FREM2: variants seen among roughly 807,000 people sequenced by gnomAD.
The protein encoded by FREM2 is FRAS1 related extracellular matrix 2.
In FREM2, 119 loss-of-function variants were observed where a neutral mutation model predicts 219.9. That is an observed-to-expected ratio of 0.54 (90% CI 0.47 to 0.63). The LOEUF (loss-of-function observed/expected upper bound fraction) is 0.63, where lower values mean the gene tolerates loss of function less well. FREM2 is among the 30% of genes least tolerant of loss of function. The pLI is 0.00. For missense variants in FREM2, 4,030 were observed against 3,993.6 expected, an observed-to-expected ratio of 1.01 and a Z score of -0.25; for synonymous variants, 1,562 against 1,522.8, an observed-to-expected ratio of 1.03 and a Z score of -0.60.
At chr13:38,699,921 G>T (rs1870275180) in intron 2 of FREM2, among the ~76,000 whole-genome samples, 1 of 151,960 alleles carries the variant, frequency 6.6e-6, no homozygotes. Context: ...AATGATAGTA[G>T]GCATATCTAT....
Position 38,687,870 on chromosome 13 carries a change from T to C in FREM2, c.526T>C (p.Phe176Leu). The C allele has an allele frequency of 1.3e-6, 2 of 1,570,542 alleles. No homozygotes were observed. Among genetic ancestry groups the C allele is most frequent in the Non-Finnish European group, 1.7e-6 (2 of 1,154,136 alleles). The change falls in exon 1 of 24, where the codon TTC becomes CTC. Residue 176 changes from phenylalanine to leucine, a missense_variant. Physicochemically the swap from Phe to Leu is conservative, Grantham distance 22. Coordinates refer to ENST00000280481, the MANE Select transcript of FREM2 (RefSeq NM_207361.6). The stretch of plus-strand genomic sequence containing the variant: ...ACTGGTACTGGAGGTGGAGGTGGTC[T>C]TCACCCAGCTGGAGGTTGTGACTCG... ...LPLVLEVEVV[F>L]TQLEVVTRNL...
At chr13:38,745,967 A>G (rs141351048) in intron 2 of FREM2, among the ~76,000 whole-genome samples, 10 of 152,174 alleles carry the variant, frequency 6.6e-5, no homozygotes, top group Non-Finnish European at 1.3e-4. Context: ...TTTCTAGTTC[A>G]TGTAATTTCT....
At chr13:38,768,327 T>C (rs1873522536) in intron 3 of FREM2, among the ~76,000 whole-genome samples, 1 of 152,334 alleles carries the variant, frequency 6.6e-6, no homozygotes. Context: ...TCACCCAGGC[T>C]GGAGCACAGT....
intron 22 of FREM2, 54 bp from the exon 23 acceptor site, chr13:38,878,777 G>A: frequency 1.3e-6 from 2 of 1,554,736 alleles, no homozygotes; most frequent in Non-Finnish European, 1.8e-6. Flanking sequence ...ATGCTGTCCT[G>A]GCAAAAGCCG....
At chr13:38,854,787 A>C (rs929955906) in intron 11 of FREM2, among the ~76,000 whole-genome samples, 2 of 152,140 alleles carry the variant, frequency 1.3e-5, no homozygotes, top group African/African-American at 4.8e-5. Flanking sequence ...AGAGAAGAAA[A>C]TTGCTCCTCG....
chr13:38,879,121 C>A, intron 23 of FREM2, 144 bp downstream of exon 23: 1 of 843,418 alleles, frequency 1.2e-6, no homozygotes, highest in Non-Finnish European at 2.0e-6. Flanking sequence ...TAAGATATGG[C>A]AAATAAACTA....
intron 2 of FREM2, among the ~76,000 whole-genome samples, chr13:38,747,693 C>T (rs796230808): frequency 6.6e-6 from 1 of 152,066 alleles, no homozygotes; most frequent in South Asian, 2.1e-4. Context: ...AATTGTCTAT[C>T]AGCTTCCTTC....
At chr13:38,851,598 C>A (rs1289496735) in intron 10 of FREM2, 88 bp from the exon 11 acceptor site, 8 of 1,024,798 alleles carry the variant, frequency 7.8e-6, no homozygotes, top group Non-Finnish European at 1.2e-5. Flanking sequence ...TCATTTATCC[C>A]CTCCCACATG....
Position 38,691,107 on chromosome 13 carries a change from G to T in FREM2, c.3763G>T (p.Asp1255Tyr), listed in dbSNP as rs1869825127. Residue 1255 changes from aspartate (D) to tyrosine (Y), a missense_variant, in exon 1 of 24, where the codon GAT becomes TAT. Around this residue, in one of 2 missense-constraint regions of FREM2, gnomAD observed 3,102 missense variants for 2,950.7 expected, o/e 1.05. Coordinates refer to ENST00000280481, the MANE Select transcript of FREM2 (RefSeq NM_207361.6). Reference sequence around the variant, plus strand: ...GGTTTTGGTCGAAAGCTTCACCTTGGATCAGATCATAGAGAGTTCCAGCAT... The same window carrying T: ...GGTTTTGGTCGAAAGCTTCACCTTGTATCAGATCATAGAGAGTTCCAGCAT... ...GTVLVESFTLDQIIESSSIIY... is the reference protein window; with the variant it reads ...GTVLVESFTLYQIIESSSIIY... 1 of 1,613,936 alleles carries T rather than the reference G, an allele frequency of 6.2e-7. No homozygotes were observed. The highest frequency in any genetic ancestry group is 1.3e-5 in the African/African-American group (1 of 74,884).
At chr13:38,813,618 G>T (rs1875634599) in intron 6 of FREM2, among the ~76,000 whole-genome samples, 1 of 122,074 alleles carries the variant, frequency 8.2e-6, no homozygotes, top group African/African-American at 2.9e-5. Context: ...GCTGCTTTTA[G>T]GATCTTTTCT....
intron 2 of FREM2, among the ~76,000 whole-genome samples, chr13:38,743,642 G>A (rs1872340107): frequency 6.6e-6 from 1 of 152,186 alleles, no homozygotes; most frequent in African/African-American, 2.4e-5. Context: ...CTTGATTACA[G>A]AGCAGTGTAA....
At chr13:38,844,530 T>C (rs1342282008) in intron 6 of FREM2, among the ~76,000 whole-genome samples, 1 of 152,230 alleles carries the variant, frequency 6.6e-6, no homozygotes, top group Non-Finnish European at 1.5e-5. Flanking sequence ...CAACACACCA[T>C]TTGGTCCCCG....
At chr13:38,823,432 C>G (rs1055855527) in intron 6 of FREM2, among the ~76,000 whole-genome samples, 2 of 151,934 alleles carry the variant, frequency 1.3e-5, no homozygotes, top group African/African-American at 4.8e-5. Flanking sequence ...GGACAAGGCT[C>G]CCACCACAAG....
intron 2 of FREM2, among the ~76,000 whole-genome samples, chr13:38,718,317 T>C (rs1871090938): frequency 6.6e-6 from 1 of 152,248 alleles, no homozygotes. Context: ...TTATTAATTA[T>C]GACAGCCCTA....
chr13:38,695,745 C>T (rs1396803560), intron 1 of FREM2, among the ~76,000 whole-genome samples: 1 of 152,064 alleles, frequency 6.6e-6, no homozygotes, highest in Non-Finnish European at 1.5e-5. Flanking sequence ...AGTAAACAGG[C>T]AAAGAGTTGT....
intron 6 of FREM2, among the ~76,000 whole-genome samples, chr13:38,803,095 A>G (rs1267231252): frequency 6.6e-6 from 1 of 152,190 alleles, no homozygotes; most frequent in Non-Finnish European, 1.5e-5. Context: ...GGCATGTACT[A>G]GCTGCATCTA....
chr13:38,872,987 T>C, intron 17 of FREM2, 53 bp downstream of exon 17: 1 of 1,533,884 alleles, frequency 6.5e-7, no homozygotes, highest in South Asian at 1.1e-5. Context: ...ATTTAAACTA[T>C]TTAAGACGAT....
At chr13:38,775,838 C>G (rs541641341) in intron 4 of FREM2, among the ~76,000 whole-genome samples, 1 of 152,124 alleles carries the variant, frequency 6.6e-6, no homozygotes, top group Non-Finnish European at 1.5e-5. Flanking sequence ...AGGCTGGTCT[C>G]GAACTCCTGA....
chr13:38,804,934 TTTC>T (rs1875165332), intron 6 of FREM2, among the ~76,000 whole-genome samples: 1 of 152,166 alleles, frequency 6.6e-6, no homozygotes, highest in South Asian at 2.1e-4. Flanking sequence ...TCAAACAACC[TTTC>T]TTCTTAACCA....
Sources: gnomAD v4.1 joint callset for allele counts (sites outside exome capture counted in the v4.1 genomes callset) on GRCh38, gnomAD v4.1.1 for gene constraint, gnomAD v4.1.1 regional missense constraint, MANE v1.5 for transcripts, NCBI Gene and HGNC (gene_info 2026-07-23, HGNC 2026-07-21) for gene names.